The following SPTLC3 variants were observed in gnomAD, a reference collection of about 807,000 sequenced individuals.
SPTLC3 encodes the protein serine palmitoyltransferase 3.
Under a neutral mutation model 59.3 loss-of-function variants are expected in SPTLC3, and 36 were observed. That is an observed-to-expected ratio of 0.61 (90% CI 0.47 to 0.80). SPTLC3 has a LOEUF of 0.80. SPTLC3 is among the 30% of genes least tolerant of loss of function. The probability of loss-of-function intolerance (pLI) is 0.00; values close to 1 mark genes in which losing one functional copy is unlikely to be tolerated. For missense variants in SPTLC3, 625 were observed against 685.1 expected (o/e 0.91, Z 0.98); for synonymous variants, 257 against 240.8 (o/e 1.07, Z -0.62).
chr20:13,060,392 AT>A (rs1600240632), intron 2 of SPTLC3, among the ~76,000 whole-genome samples: 3 of 143,860 alleles, frequency 2.1e-5, no homozygotes, highest in African/African-American at 7.9e-5. Context: ...TTATTTATTT[AT>A]TTATTTATTT....
intron 8 of SPTLC3, among the ~76,000 whole-genome samples, chr20:13,119,575 T>G (rs550565163): frequency 6.6e-6 from 1 of 152,318 alleles, no homozygotes; most frequent in South Asian, 2.1e-4. Flanking sequence ...AAATGCTCAT[T>G]TTATGCATAT....
Position 13,059,549 on chromosome 20 carries a change from C to G in SPTLC3, c.303+10419C>G, listed in dbSNP as rs118012982. ...TGCACAGCTATCCTACTATCCCTTA[C>G]AGGAAAGATGGTCTTAGCCCATCTG... On this transcript the variant is annotated intron_variant, in intron 2 of 11. Coordinates refer to ENST00000399002, the MANE Select transcript of SPTLC3 (RefSeq NM_018327.4). Among the ~76,000 whole-genome samples, 3 of 152,298 alleles carry G rather than the reference C, an allele frequency of 2.0e-5. No homozygotes were observed. In the East Asian group the frequency reaches 5.8e-4, roughly 29 times the overall value.
intron 9 of SPTLC3, among the ~76,000 whole-genome samples, chr20:13,151,403 T>A (rs2038644098): frequency 6.6e-6 from 1 of 152,200 alleles, no homozygotes; most frequent in African/African-American, 2.4e-5. Context: ...GCATGCTCCA[T>A]TCATTGTCTG....
chr20:13,132,928 G>T (rs563953014), intron 9 of SPTLC3: 6 of 153,524 alleles, frequency 3.9e-5, no homozygotes, highest in African/African-American at 9.6e-5. Flanking sequence ...AGCCCCTGCA[G>T]CCTGTCCCCC....
chr20:13,073,194 T>G (rs1484854949), intron 3 of SPTLC3, among the ~76,000 whole-genome samples: 1 of 142,122 alleles, frequency 7.0e-6, no homozygotes, highest in African/African-American at 2.6e-5. Flanking sequence ...CAATTTCTCT[T>G]TATCTCCCCC....
chr20:13,022,478 C>T (rs569699284), intron 1 of SPTLC3, among the ~76,000 whole-genome samples: 2 of 152,172 alleles, frequency 1.3e-5, no homozygotes, highest in Non-Finnish European at 2.9e-5. Flanking sequence ...ACAGCTCTCC[C>T]CTGCTCCATG....
rs141100190 is a variant in SPTLC3, at chr20:13,054,722, A to G, written c.303+5592A>G. On this transcript the variant is annotated intron_variant, in intron 2 of 11. Transcript: ENST00000399002. ...CTCATTTTTTGACAAGTTGAGTTTG[A>G]AGAACTGGCAGCTAAACTTAAAGAT... is the stretch of plus-strand genomic sequence containing the variant. Among the ~76,000 whole-genome samples the G allele has an allele frequency of 5.0e-3, 757 of 152,316 alleles. 6 individuals are homozygous for G. Among genetic ancestry groups the G allele is most frequent in the Middle Eastern group, 0.024 (7 of 294 alleles).
chr20:13,117,565 C>T lies in SPTLC3; in HGVS notation c.992C>T (p.Ala331Val). The change falls in exon 8 of 12, where the codon GCT becomes GTT. Residue 331 changes from alanine to valine, a missense_variant. Transcript: ENST00000399002. Reference protein sequence around the residue: ...QIIALKKKYKAYLYIDEAHSI... With the variant: ...QIIALKKKYKVYLYIDEAHSI... ...ATAGCTCTAAAGAAGAAATACAAGG[C>T]TTACCTCTACATAGATGAAGCTCAC... 3 of 1,612,796 alleles carry T rather than the reference C, an allele frequency of 1.9e-6. No individual in the cohort carries two copies. The highest frequency in any genetic ancestry group is 1.1e-5 in the South Asian group (1 of 90,882).
intron 1 of SPTLC3, among the ~76,000 whole-genome samples, chr20:13,033,055 C>T (rs1986571345): frequency 6.6e-6 from 1 of 152,138 alleles, no homozygotes; most frequent in Admixed American, 6.5e-5. Context: ...GGGTCTTCTA[C>T]AGAGTTAATT....
intron 9 of SPTLC3, among the ~76,000 whole-genome samples, chr20:13,132,643 A>G (rs1346954094): frequency 6.6e-6 from 1 of 152,200 alleles, no homozygotes; most frequent in Non-Finnish European, 1.5e-5. Flanking sequence ...AAAAATATTT[A>G]TTGAAAGAAT....
intron 1 of SPTLC3, among the ~76,000 whole-genome samples, chr20:13,038,020 G>C (rs928681169): frequency 1.5e-5 from 2 of 135,046 alleles, no homozygotes; most frequent in East Asian, 1.9e-4. Flanking sequence ...TGCAAGAAAG[G>C]CTGGAAAATA....
intron 4 of SPTLC3, among the ~76,000 whole-genome samples, chr20:13,087,719 G>A (rs1232551662): frequency 6.6e-6 from 1 of 152,148 alleles, no homozygotes; most frequent in Admixed American, 6.5e-5. Context: ...AGTATCTATG[G>A]AAGTCATGGC....
At chr20:13,122,858 A>G (rs766608147) in intron 8 of SPTLC3, among the ~76,000 whole-genome samples, 6 of 152,176 alleles carry the variant, frequency 3.9e-5, no homozygotes, top group Non-Finnish European at 5.9e-5. Flanking sequence ...AGGAAGAGTT[A>G]GGCTGAAAAT....
chr20:13,064,173 G>C (rs909194721), intron 2 of SPTLC3, among the ~76,000 whole-genome samples: 13 of 151,582 alleles, frequency 8.6e-5, no homozygotes, highest in African/African-American at 2.4e-4. Flanking sequence ...GGGATTACAG[G>C]CATGAGCCAC....
intron 9 of SPTLC3, among the ~76,000 whole-genome samples, chr20:13,149,786 G>C (rs546860671): frequency 9.8e-5 from 15 of 152,370 alleles, no homozygotes; most frequent in Non-Finnish European, 2.2e-4. Context: ...TGATGATCCA[G>C]TTTCTTGGGT....
intron 11 of SPTLC3, 76 bp downstream of exon 11, chr20:13,160,208 T>C (rs2038866880): frequency 2.0e-6 from 3 of 1,485,592 alleles, no homozygotes; most frequent in African/African-American, 2.8e-5. Context: ...TTGAGACAGC[T>C]TGGGGTTCTC....
intron 6 of SPTLC3, among the ~76,000 whole-genome samples, chr20:13,104,379 G>T (rs886239744): frequency 1.3e-5 from 2 of 152,108 alleles, no homozygotes; most frequent in African/African-American, 4.8e-5. Context: ...AGTCTCACGA[G>T]ATCTAATGGT....
intron 9 of SPTLC3, among the ~76,000 whole-genome samples, chr20:13,151,230 A>G (rs1464554122): frequency 1.3e-5 from 2 of 152,204 alleles, no homozygotes; most frequent in Non-Finnish European, 2.9e-5. Flanking sequence ...ACTACCAACT[A>G]AAGTTTACTA....
chr20:13,154,797 T>A (rs959029966), intron 10 of SPTLC3, among the ~76,000 whole-genome samples: 4 of 152,316 alleles, frequency 2.6e-5, no homozygotes, highest in Admixed American at 2.6e-4. Context: ...AACATGACTT[T>A]TTGTCAGTTT....
Sources: allele counts gnomAD v4.1 joint callset (sites outside exome capture counted in the v4.1 genomes callset), GRCh38; gene constraint gnomAD v4.1.1; transcripts MANE v1.5; gene names NCBI Gene and HGNC (gene_info 2026-07-23, HGNC 2026-07-21).